Variants in RNF38 observed in about 807,000 individuals in gnomAD.
The protein encoded by RNF38 is E3 ubiquitin-protein ligase RNF38.
RNF38 carries 15 observed loss-of-function variants against 67.2 expected under a neutral mutation model. That is an observed-to-expected ratio of 0.22 (90% CI 0.15 to 0.34). RNF38 has a LOEUF of 0.34. RNF38 is among the 10% of genes least tolerant of loss of function. The pLI, the probability that RNF38 is intolerant of heterozygous loss-of-function variation, is 1.00. For synonymous variants in RNF38, 220 were observed against 218.8 expected (o/e 1.01, Z -0.05); for missense variants, 524 against 639.9 (o/e 0.82, Z 1.95).
intron 1 of RNF38, among the ~76,000 whole-genome samples, chr9:36,463,671 A>G (rs945975851): frequency 2.6e-5 from 4 of 152,236 alleles, no homozygotes; most frequent in African/African-American, 9.6e-5. Flanking sequence ...AGATATGTAC[A>G]TATTACATTT....
At chr9:36,402,816 C>A (rs1292848537), upstream of RNF38, among the ~76,000 whole-genome samples, 1 of 152,194 alleles carries the variant, frequency 6.6e-6, no homozygotes, top group Non-Finnish European at 1.5e-5. Context: ...AATGCTGTCA[C>A]AACCCCAGGT....
At chr9:36,433,323 C>G (rs926391753) in intron 1 of RNF38, among the ~76,000 whole-genome samples, 1 of 146,586 alleles carries the variant, frequency 6.8e-6, no homozygotes, top group Non-Finnish European at 1.5e-5. Context: ...GTGATGGATA[C>G]CCCCCCCTTA....
chr9:36,457,712 A>G (rs1364967887), intron 1 of RNF38, among the ~76,000 whole-genome samples: 1 of 152,142 alleles, frequency 6.6e-6, no homozygotes, highest in Non-Finnish European at 1.5e-5. Flanking sequence ...GCTCAAGACC[A>G]GCCTGGCTAA....
chr9:36,419,958 G>T (rs1838575946), intron 2 of RNF38, among the ~76,000 whole-genome samples: 1 of 152,178 alleles, frequency 6.6e-6, no homozygotes, highest in African/African-American at 2.4e-5. Context: ...TACCGAGAAG[G>T]ACTGGTGCCA....
intron 1 of RNF38, among the ~76,000 whole-genome samples, chr9:36,484,178 T>C (rs1840345099): frequency 6.6e-6 from 1 of 152,224 alleles, no homozygotes; most frequent in Admixed American, 6.5e-5. Flanking sequence ...ACACCTGATA[T>C]ATCAGAATGT....
intron 2 of RNF38, among the ~76,000 whole-genome samples, chr9:36,416,106 G>A (rs1285368068): frequency 2.0e-5 from 3 of 147,876 alleles, no homozygotes; most frequent in Non-Finnish European, 3.0e-5. Context: ...CTACCAGGGC[G>A]GAAAAAGACC....
At chr9:36,368,000 T>C (rs1476131233) in intron 4 of RNF38, among the ~76,000 whole-genome samples, 1 of 152,196 alleles carries the variant, frequency 6.6e-6, no homozygotes, top group African/African-American at 2.4e-5. Context: ...TACAGGTGCC[T>C]GCCATCACGT....
At chr9:36,404,843 C>T (rs1838140589), upstream of RNF38, among the ~76,000 whole-genome samples, 1 of 152,108 alleles carries the variant, frequency 6.6e-6, no homozygotes, top group Admixed American at 6.5e-5. Flanking sequence ...ACAGTGCTAA[C>T]CAGACAGCTT....
intron 1 of RNF38, among the ~76,000 whole-genome samples, chr9:36,397,055 ATATATACG>A (rs1587608554): frequency 7.0e-6 from 1 of 143,510 alleles, no homozygotes; most frequent in Non-Finnish European, 1.5e-5. Context: ...ATACACATGT[ATATATACG>A]TATATATATG....
rs534098272 is a variant in RNF38, at chr9:36,398,742, C to A, written c.12+1355G>T. On this transcript the variant is annotated intron_variant, in intron 1 of 11. Coordinates refer to ENST00000259605, the MANE Select transcript of RNF38 (RefSeq NM_022781.5). The stretch of plus-strand genomic sequence containing the variant: ...ACCAAAACAAACACAACGCAACAAT[C>A]AAGACTAATTAAGAACTACCTTTCC... Among the ~76,000 whole-genome samples, 3 of 152,274 alleles carry A rather than the reference C, an allele frequency of 2.0e-5. No homozygotes were observed. The South Asian group carries it at 6.2e-4, about 32-fold the overall frequency.
chr9:36,400,541 C>G (rs1252737869), upstream of RNF38: 1 of 990,006 alleles, frequency 1.0e-6, no homozygotes, highest in East Asian at 1.1e-4. Context: ...CCAACGGCCG[C>G]GGCGGCCAGT....
chr9:36,390,482 G>GA lies in RNF38; in HGVS notation c.146dup (p.Lys50GlnfsTer7). On this transcript the variant is annotated frameshift_variant, in exon 2 of 12. Transcript: ENST00000259605. LOFTEE classifies it high-confidence loss of function. ...ATATAAGAACCTGGAAGAAAGCTTT[G>GA]AAGTGAGCATCCTCTTGAACGGTAG... 2 of 1,613,084 alleles carry GA rather than the reference G, an allele frequency of 1.2e-6. No homozygotes were observed. The highest frequency in any genetic ancestry group is 8.5e-7 in the Non-Finnish European group (1 of 1,179,622).
Position 36,369,992 on chromosome 9 carries a change from T to C in RNF38, c.357-60A>G, listed in dbSNP as rs1411377890. On this transcript the variant is annotated intron_variant, in intron 3 of 11. Transcript: ENST00000259605. ...TATTGTGATCCATCAGGATTCTGTA[T>C]TGTCTTTCTTTGATATCTATCAATA... The C allele has an allele frequency of 4.5e-6, 6 of 1,346,468 alleles. No homozygotes were observed. The Admixed American group carries it at 6.5e-5, about 14-fold the overall frequency. 83.4% of individuals were successfully genotyped at this position (1,346,468 alleles called of 1,614,324 possible). A position where few individuals can be genotyped will look rare whatever the true frequency, so the allele number is the denominator to read the frequency against.
At chr9:36,486,876 C>A (rs1454435215) in intron 1 of RNF38, among the ~76,000 whole-genome samples, 1 of 152,190 alleles carries the variant, frequency 6.6e-6, no homozygotes, top group Admixed American at 6.5e-5. Context: ...ACCCCCTCCC[C>A]CGAGATCTGT....
At chr9:36,430,007 G>A (rs1312989588) in intron 1 of RNF38, among the ~76,000 whole-genome samples, 1 of 151,992 alleles carries the variant, frequency 6.6e-6, no homozygotes, top group East Asian at 1.9e-4. Flanking sequence ...TTTATAAATT[G>A]TTTATTGAAT....
At chr9:36,343,247 G>A (rs945557492) in intron 10 of RNF38, among the ~76,000 whole-genome samples, 1 of 152,062 alleles carries the variant, frequency 6.6e-6, no homozygotes, top group Admixed American at 6.5e-5. Flanking sequence ...GTGCTTCAAA[G>A]GACATCACTG....
chr9:36,354,456 C>T (rs1281713154), intron 6 of RNF38, among the ~76,000 whole-genome samples: 1 of 152,184 alleles, frequency 6.6e-6, no homozygotes, highest in Non-Finnish European at 1.5e-5. Flanking sequence ...CGCGCACGGC[C>T]CAGCTTTCCA....
intron 1 of RNF38, among the ~76,000 whole-genome samples, chr9:36,442,931 A>G (rs925168915): frequency 1.3e-5 from 2 of 152,218 alleles, no homozygotes; most frequent in African/African-American, 4.8e-5. Flanking sequence ...AGCCCTGCCT[A>G]GTTGCTCACC....
intron 2 of RNF38, among the ~76,000 whole-genome samples, chr9:36,387,597 T>C (rs1174602229): frequency 6.6e-6 from 1 of 152,246 alleles, no homozygotes; most frequent in East Asian, 1.9e-4. Flanking sequence ...TGTATGCATT[T>C]GTCAAACTCA....
Sources: allele counts gnomAD v4.1 joint callset (sites outside exome capture counted in the v4.1 genomes callset), GRCh38; gene constraint gnomAD v4.1.1; transcripts MANE v1.5; gene names NCBI Gene and HGNC (gene_info 2026-07-23, HGNC 2026-07-21).